Variants in NAA35 observed in about 807,000 individuals in gnomAD.
NAA35 encodes the protein MAK10 homolog, amino-acid N-acetyltransferase subunit.
NAA35 carries 18 observed loss-of-function variants against 101.7 expected under a neutral mutation model. The ratio of observed to expected loss-of-function variants is 0.18; its 90% CI spans 0.12 to 0.26. The LOEUF is 0.26. Ranked by LOEUF, NAA35 falls within the 10% of genes least tolerant of loss-of-function variation. The pLI is 1.00. For missense variants in NAA35, 601 were observed against 886.8 expected, an observed-to-expected ratio of 0.68 and a Z score of 4.09; for synonymous variants, 267 against 273.1, an observed-to-expected ratio of 0.98 and a Z score of 0.22.
chr9:85,962,490 C>CAAAAAAAAAA (rs781302881), intron 6 of NAA35, among the ~76,000 whole-genome samples: 16 of 85,870 alleles, frequency 1.9e-4, no homozygotes, highest in Non-Finnish European at 2.3e-4. Context: ...GACTCTGTCT[C>CAAAAAAAAAA]AAAAAAAAAA....
At chr9:86,018,488 A>G in intron 20 of NAA35, 93 bp downstream of exon 20, 2 of 1,415,516 alleles carry the variant, frequency 1.4e-6, no homozygotes, top group Non-Finnish European at 1.9e-6. Flanking sequence ...TTACATTAAC[A>G]GTTATTTAAA....
At chr9:86,003,511 T>TA (rs1831502197) in intron 12 of NAA35, 74 bp from the exon 13 acceptor site, 1 of 766,146 alleles carries the variant, frequency 1.3e-6, no homozygotes. Context: ...TAGTAAAAAT[T>TA]ACAGTCTGAT....
intron 3 of NAA35, among the ~76,000 whole-genome samples, chr9:85,956,597 G>C (rs955999299): frequency 6.6e-6 from 1 of 152,104 alleles, no homozygotes; most frequent in Non-Finnish European, 1.5e-5. Context: ...TTATACCTAG[G>C]GAAACTGTAA....
At chr9:85,958,420 A>C in intron 3 of NAA35, 52 bp from the exon 4 acceptor site, 3 of 1,111,568 alleles carry the variant, frequency 2.7e-6, no homozygotes, top group Non-Finnish European at 4.0e-6. Context: ...GAAAATATGA[A>C]TAAGCTTACT....
At chr9:86,010,569 ATTT>A (rs377654981) in intron 15 of NAA35, among the ~76,000 whole-genome samples, 33 of 118,664 alleles carry the variant, frequency 2.8e-4, no homozygotes, top group African/African-American at 5.7e-4. Context: ...TAACCTTAGA[ATTT>A]TTTTTTTTTT....
intron 17 of NAA35, 56 bp from the exon 18 acceptor site, chr9:86,016,483 G>A (rs1444648011): frequency 6.6e-7 from 1 of 1,507,844 alleles, no homozygotes; most frequent in Non-Finnish European, 9.1e-7. Context: ...TATATGTGTT[G>A]ATAAAGCTGT....
intron 2 of NAA35, among the ~76,000 whole-genome samples, chr9:85,945,399 T>TTC (rs527832084): frequency 3.0e-4 from 45 of 152,228 alleles, no homozygotes; most frequent in Non-Finnish European, 6.2e-4. Context: ...TAGTCTTGAT[T>TTC]ATGGTTTAGG....
Position 85,957,944 on chromosome 9 carries a change from C to CT in NAA35, c.159-514dup, listed in dbSNP as rs1227768818. The stretch of plus-strand genomic sequence containing the variant: ...AGACCACAGACATCTTATATATTTT[C>CT]TTTTTTTTTTTTTTGAGAGGGAGTT... On this transcript the variant is annotated intron_variant, in intron 3 of 22. Coordinates refer to ENST00000361671, the MANE Select transcript of NAA35 (RefSeq NM_024635.4). Among the ~76,000 whole-genome samples, 817 of 141,368 alleles carry CT rather than the reference C, an allele frequency of 5.8e-3. 2 individuals carry two copies. Among genetic ancestry groups the CT allele is most frequent in the African/African-American group, 0.016 (637 of 38,786 alleles). The allele number at this position is 141,368 out of a possible 152,430, so 92.7% of individuals were successfully genotyped here.
chr9:86,019,407 G>A (rs907361189), intron 21 of NAA35, among the ~76,000 whole-genome samples: 2 of 152,204 alleles, frequency 1.3e-5, no homozygotes, highest in African/African-American at 4.8e-5. Flanking sequence ...GTTGCAGGGA[G>A]CCGAGATTGT....
intron 4 of NAA35, 63 bp downstream of exon 4, chr9:85,958,649 T>G: frequency 9.8e-7 from 1 of 1,022,512 alleles, no homozygotes; most frequent in Non-Finnish European, 1.5e-6. Flanking sequence ...TAAAACATGG[T>G]GCTTAATAAT....
intron 17 of NAA35, 58 bp from the exon 18 acceptor site, chr9:86,016,481 T>C: frequency 6.7e-7 from 1 of 1,481,954 alleles, no homozygotes; most frequent in Non-Finnish European, 9.3e-7. Flanking sequence ...AATATATGTG[T>C]TGATAAAGCT....
At chr9:85,942,375 C>T in intron 2 of NAA35, 92 bp downstream of exon 2, 2 of 1,513,092 alleles carry the variant, frequency 1.3e-6, no homozygotes, top group Non-Finnish European at 1.8e-6. Context: ...ATGAAATCAA[C>T]AGGTAAATGT....
At chr9:85,975,780 G>C (rs1373619067) in intron 8 of NAA35, among the ~76,000 whole-genome samples, 3 of 152,040 alleles carry the variant, frequency 2.0e-5, no homozygotes, top group Admixed American at 6.6e-5. Context: ...TCCCACTACT[G>C]TTTTGGGTTC....
chr9:86,018,605 G>C lies in NAA35; in HGVS notation c.1915-94G>C, dbSNP rs1832350102. On this transcript the variant is annotated intron_variant, in intron 20 of 22. Transcript: ENST00000361671. Reference sequence around the variant, plus strand: ...TTGCCCCAGTGTCTGTGTATGAGTGGATAGAAAATGTAGAATTCTTTAATA... The same window carrying C: ...TTGCCCCAGTGTCTGTGTATGAGTGCATAGAAAATGTAGAATTCTTTAATA... The C allele has an allele frequency of 3.3e-6, 5 of 1,493,312 alleles. No homozygotes were observed. The East Asian group carries it at 9.1e-5, about 27-fold the overall frequency. The allele number at this position is 1,493,312 out of a possible 1,614,324, so 92.5% of individuals were successfully genotyped here.
chr9:85,962,272 C>T, intron 6 of NAA35, 92 bp downstream of exon 6: 5 of 1,231,396 alleles, frequency 4.1e-6, no homozygotes, highest in South Asian at 1.4e-5. Context: ...GGGCAGATCA[C>T]CTGAGGTCAG....
In NAA35 at chr9:85,978,298, T is replaced by C. The variant is rs1830298586; in HGVS notation, c.794T>C (p.Met265Thr). ...TSAVAEAQKL[M>T]VQAADLLSAI... ...GCTGTTGCAGAAGCTCAAAAATTGA[T>C]GGTTCAAGCAGCAGATCTTCTTTCT... Residue 265 changes from methionine to threonine, a missense_variant, in exon 11 of 23, where the codon ATG becomes ACG. Coordinates refer to ENST00000361671, the MANE Select transcript of NAA35 (RefSeq NM_024635.4). 1 of 1,613,166 alleles carries C rather than the reference T, an allele frequency of 6.2e-7. No individual in the cohort carries two copies. Among genetic ancestry groups the C allele is most frequent in the African/African-American group, 1.3e-5 (1 of 74,900 alleles).
At chr9:85,946,575 T>G (rs1461227274) in intron 2 of NAA35, among the ~76,000 whole-genome samples, 1 of 152,236 alleles carries the variant, frequency 6.6e-6, no homozygotes, top group African/African-American at 2.4e-5. Flanking sequence ...TAGTTTAAGC[T>G]TCTCCAACCC....
chr9:85,985,696 A>G (rs1419663900), intron 11 of NAA35, among the ~76,000 whole-genome samples: 2 of 149,736 alleles, frequency 1.3e-5, no homozygotes, highest in African/African-American at 5.0e-5. Context: ...TAATGTATTA[A>G]AAAAACCATT....
chr9:85,941,640 C>G (rs961508069), intron 1 of NAA35: 1 of 986,434 alleles, frequency 1.0e-6, no homozygotes, highest in Non-Finnish European at 1.2e-6. Context: ...CGGCGGGACC[C>G]TGCGGTGCCT....
Sources: allele counts gnomAD v4.1 joint callset (sites outside exome capture counted in the v4.1 genomes callset), GRCh38; gene constraint gnomAD v4.1.1; transcripts MANE v1.5; gene names NCBI Gene and HGNC (gene_info 2026-07-23, HGNC 2026-07-21).